The following MED12L variants were observed in gnomAD, a reference collection of about 807,000 sequenced individuals.
MED12L encodes mediator complex subunit 12L, also known as mediator of RNA polymerase II transcription subunit 12-like protein.
In MED12L, 60 loss-of-function variants were observed where a neutral mutation model predicts 281.3. That is an observed-to-expected ratio of 0.21 (90% CI 0.17 to 0.26). The LOEUF (loss-of-function observed/expected upper bound fraction) is 0.26. Among genes scored for constraint, MED12L ranks in the 10% least tolerant of loss-of-function variants. The pLI, the probability that MED12L is intolerant of heterozygous loss-of-function variation, is 1.00. For missense variants in MED12L, 2,146 were observed against 2,680.9 expected (o/e 0.80, Z 4.41); for synonymous variants, 974 against 987.2 (o/e 0.99, Z 0.25).
intron 16 of MED12L, among the ~76,000 whole-genome samples, chr3:151,260,952 C>G (rs993354497): frequency 6.6e-6 from 1 of 152,110 alleles, no homozygotes; most frequent in Non-Finnish European, 1.5e-5. Context: ...TCTCCCCAGA[C>G]TGATTTCCTT....
chr3:151,416,273 C>T, intron 42 of MED12L, 39 bp from the exon 43 acceptor site: 1 of 1,612,348 alleles, frequency 6.2e-7, no homozygotes, highest in Non-Finnish European at 8.5e-7. Flanking sequence ...CTGTTTTCTT[C>T]TTCCTTTTAA....
At chr3:151,226,030 A>G (rs1191738273) in intron 16 of MED12L, among the ~76,000 whole-genome samples, 2 of 152,198 alleles carry the variant, frequency 1.3e-5, no homozygotes, top group African/African-American at 4.8e-5. Context: ...ACATGCTGCC[A>G]TGCCCTATGG....
At chr3:151,404,088 G>A (rs1325687940) in intron 39 of MED12L, among the ~76,000 whole-genome samples, 2 of 152,074 alleles carry the variant, frequency 1.3e-5, no homozygotes, top group East Asian at 3.8e-4. Context: ...TCAATCACTG[G>A]CTTTTTAAAA....
chr3:151,334,074 C>T (rs896304083), intron 16 of MED12L, among the ~76,000 whole-genome samples: 9 of 150,292 alleles, frequency 6.0e-5, no homozygotes, highest in African/African-American at 2.2e-4. Flanking sequence ...AAGACTCTAT[C>T]TCAAAAAAAA....
intron 16 of MED12L, among the ~76,000 whole-genome samples, chr3:151,250,242 T>C (rs1160731367): frequency 3.3e-5 from 5 of 151,954 alleles, no homozygotes; most frequent in African/African-American, 9.7e-5. Context: ...TTTTGAAAGA[T>C]TTTTTTTGTC....
chr3:151,151,973 A>G (rs1222522719), intron 5 of MED12L, among the ~76,000 whole-genome samples: 1 of 152,058 alleles, frequency 6.6e-6, no homozygotes, highest in African/African-American at 2.4e-5. Context: ...GAGAGAAAGC[A>G]ACTGGAGCTA....
intron 16 of MED12L, among the ~76,000 whole-genome samples, chr3:151,318,523 G>T (rs907324357): frequency 6.6e-5 from 10 of 152,004 alleles, no homozygotes; most frequent in African/African-American, 2.4e-4. Context: ...ACATTTTACT[G>T]CCAGAACAAC....
intron 16 of MED12L, among the ~76,000 whole-genome samples, chr3:151,263,125 C>T (rs1442311706): frequency 1.3e-5 from 2 of 152,014 alleles, no homozygotes; most frequent in Non-Finnish European, 2.9e-5. Flanking sequence ...TCTGCATGGG[C>T]GAAGTGGGTG....
In MED12L at chr3:151,303,573, G is replaced by C. The variant is rs562646133; in HGVS notation, c.2251-46486G>C. On this transcript the variant is annotated intron_variant, in intron 16 of 44. Transcript: ENST00000687756. ...AGGTCAGGAGTTTGAGACAAGCCTG[G>C]CCAACATGGTGAAACCCCATCTCTA... 2.6e-5 allele frequency among the ~76,000 whole-genome samples: 4 copies of C among 152,154 alleles called. No homozygotes were observed. The South Asian group carries it at 8.3e-4, about 32-fold the overall frequency.
At chr3:151,320,269 C>T (rs1018095048) in intron 16 of MED12L, among the ~76,000 whole-genome samples, 4 of 152,120 alleles carry the variant, frequency 2.6e-5, no homozygotes, top group Admixed American at 1.3e-4. Flanking sequence ...GCGTCATAGT[C>T]CTTTATAGTA....
At chr3:151,329,899 T>A (rs750903676) in intron 16 of MED12L, among the ~76,000 whole-genome samples, 8 of 151,270 alleles carry the variant, frequency 5.3e-5, no homozygotes, top group Non-Finnish European at 1.2e-4. Context: ...AGAATAATCT[T>A]CTGTATCCTT....
At chr3:151,421,980 C>T (rs568947208) in intron 43 of MED12L, among the ~76,000 whole-genome samples, 130 of 152,168 alleles carry the variant, frequency 8.5e-4, no homozygotes, top group African/African-American at 3.0e-3. Flanking sequence ...TAACACATTG[C>T]CCCCCATCCC....
At chr3:151,268,800 G>C (rs938489826) in intron 16 of MED12L, among the ~76,000 whole-genome samples, 2 of 152,208 alleles carry the variant, frequency 1.3e-5, no homozygotes, top group Non-Finnish European at 2.9e-5. Flanking sequence ...AGCAATTTAA[G>C]ATGTATCATA....
chr3:151,152,085 G>GTTTT lies in MED12L; in HGVS notation c.557-4048_557-4045dup, dbSNP rs141353889. On this transcript the variant is annotated intron_variant, in intron 5 of 44. Coordinates refer to ENST00000687756, the MANE Select transcript of MED12L (RefSeq NM_001393769.1). Reference sequence around the variant, plus strand: ...AAGAATTGTGGATCAGTTGAAGGTGGTTTTTTTTTTTTTTTTTTTTTTTTT... The same window carrying GTTTT: ...AAGAATTGTGGATCAGTTGAAGGTGGTTTTTTTTTTTTTTTTTTTTTTTTTTTTT... 5.9e-3 allele frequency among the ~76,000 whole-genome samples: 369 copies of GTTTT among 63,026 alleles called. 34 individuals carry two copies. Among genetic ancestry groups the GTTTT allele is most frequent in the Middle Eastern group, 0.021 (1 of 48 alleles). 41.3% of individuals were successfully genotyped at this position (63,026 alleles called of 152,430 possible).
At chr3:151,127,273 A>G (rs980630474) in intron 4 of MED12L, among the ~76,000 whole-genome samples, 2 of 152,232 alleles carry the variant, frequency 1.3e-5, no homozygotes, top group Non-Finnish European at 1.5e-5. Flanking sequence ...TTTATTAGGC[A>G]GATTCACTGA....
intron 11 of MED12L, among the ~76,000 whole-genome samples, chr3:151,183,520 G>C (rs1722941481): frequency 6.6e-6 from 1 of 152,160 alleles, no homozygotes; most frequent in Admixed American, 6.5e-5. Flanking sequence ...ATGAGTTTGT[G>C]TTTGTTTTCT....
At chr3:151,413,421 T>A in intron 42 of MED12L, 126 bp downstream of exon 42, 1 of 1,153,514 alleles carries the variant, frequency 8.7e-7, no homozygotes, top group Non-Finnish European at 1.2e-6. Context: ...GTGGATTTGA[T>A]GCTAGGAGCT....
rs373787820 is a variant in MED12L at position 151,092,332 on chromosome 3, A to G, written c.99+5307A>G. On this transcript the variant is annotated intron_variant, in intron 2 of 44. Coordinates refer to ENST00000687756, the MANE Select transcript of MED12L (RefSeq NM_001393769.1). ...CGCTTGTCACTGAAATGCAATTATT[A>G]GGATGCTATTCTCTCCATGGCCTGC... 7.5e-4 allele frequency among the ~76,000 whole-genome samples: 114 copies of G among 152,338 alleles called. No homozygotes were observed. In the South Asian group the frequency reaches 0.023, roughly 31 times the overall value.
chr3:151,180,435 G>A (rs892147532), intron 11 of MED12L, among the ~76,000 whole-genome samples: 1 of 152,200 alleles, frequency 6.6e-6, no homozygotes, highest in Non-Finnish European at 1.5e-5. Context: ...TCTCTAGAAG[G>A]TGAGCATTTT....
Sources: gnomAD v4.1 joint callset for allele counts (sites outside exome capture counted in the v4.1 genomes callset) on GRCh38, gnomAD v4.1.1 for gene constraint, MANE v1.5 for transcripts, NCBI Gene and HGNC (gene_info 2026-07-23, HGNC 2026-07-21) for gene names.